Variants in DLG2 observed in about 807,000 individuals in gnomAD.
DLG2 encodes disks large homolog 2.
DLG2 carries 45 observed loss-of-function variants against 132.5 expected under a neutral mutation model. The ratio of observed to expected loss-of-function variants is 0.34; its 90% CI spans 0.27 to 0.44. The LOEUF (loss-of-function observed/expected upper bound fraction) is 0.44. Ranked by LOEUF, DLG2 falls within the 20% of genes least tolerant of loss-of-function variation. The pLI is 1.00. For missense variants in DLG2, 1,045 were observed against 1,196.9 expected, an observed-to-expected ratio of 0.87 and a Z score of 1.87; for synonymous variants, 424 against 419.6, an observed-to-expected ratio of 1.01 and a Z score of -0.13.
chr11:85,393,673 C>T (rs1373194770), intron 3 of DLG2, among the ~76,000 whole-genome samples: 1 of 148,988 alleles, frequency 6.7e-6, no homozygotes, highest in Non-Finnish European at 1.5e-5. Context: ...ATTCAGGTTG[C>T]AGCAAATGTC....
chr11:84,210,464 C>T (rs1478162939), intron 8 of DLG2, among the ~76,000 whole-genome samples: 1 of 149,002 alleles, frequency 6.7e-6, no homozygotes, highest in Non-Finnish European at 1.5e-5. Flanking sequence ...TGCAGCGCAC[C>T]AGCATGGCAC....
intron 3 of DLG2, among the ~76,000 whole-genome samples, chr11:85,551,779 G>T (rs1193282969): frequency 6.6e-6 from 1 of 152,004 alleles, no homozygotes; most frequent in East Asian, 1.9e-4. Context: ...ACAATGAGTA[G>T]CTGATGTTAT....
At chr11:84,982,769 G>A (rs2055936562) in intron 6 of DLG2, among the ~76,000 whole-genome samples, 1 of 151,582 alleles carries the variant, frequency 6.6e-6, no homozygotes, top group Admixed American at 6.6e-5. Flanking sequence ...GTGCCAGACT[G>A]ATTCAATATT....
intron 6 of DLG2, among the ~76,000 whole-genome samples, chr11:84,870,659 A>T (rs900415668): frequency 6.6e-6 from 1 of 152,206 alleles, no homozygotes; most frequent in Non-Finnish European, 1.5e-5. Flanking sequence ...GCCTATTTAC[A>T]TATATTCATC....
chr11:83,501,709 G>T (rs1392357424), intron 21 of DLG2, among the ~76,000 whole-genome samples: 2 of 151,984 alleles, frequency 1.3e-5, no homozygotes, highest in South Asian at 2.1e-4. Context: ...TCCTGTGATT[G>T]TTTCCCCCCA....
At chr11:84,098,852 A>G (rs1488472484) in intron 10 of DLG2, 71 bp downstream of exon 10, 2 of 1,526,154 alleles carry the variant, frequency 1.3e-6, no homozygotes, top group East Asian at 4.7e-5. Flanking sequence ...ATTATTCTTC[A>G]AAGGTACAAA....
At chr11:84,131,931 CCTT>C (rs758596881) in intron 9 of DLG2, among the ~76,000 whole-genome samples, 7 of 151,348 alleles carry the variant, frequency 4.6e-5, no homozygotes, top group Admixed American at 6.6e-5. Context: ...TGAATATGAC[CCTT>C]CTTCTACTTA....
intron 17 of DLG2, among the ~76,000 whole-genome samples, chr11:83,815,569 C>G (rs1238490990): frequency 6.6e-6 from 1 of 152,164 alleles, no homozygotes; most frequent in East Asian, 1.9e-4. Context: ...TACGCTCCAG[C>G]TGGACCACAG....
chr11:84,003,308 A>G (rs1021885239), intron 11 of DLG2, among the ~76,000 whole-genome samples: 15 of 151,548 alleles, frequency 9.9e-5, no homozygotes, highest in African/African-American at 3.4e-4. Flanking sequence ...AACTTTTCCA[A>G]CCTCTGCCTG....
chr11:83,591,617 A>C (rs1283905299), intron 19 of DLG2, among the ~76,000 whole-genome samples: 59 of 93,438 alleles, frequency 6.3e-4, no homozygotes, highest in African/African-American at 2.5e-3. Context: ...CTCCTATTCA[A>C]CATAGTGTTG....
intron 6 of DLG2, among the ~76,000 whole-genome samples, chr11:84,966,527 C>T (rs990613884): frequency 5.3e-5 from 8 of 152,082 alleles, no homozygotes; most frequent in African/African-American, 9.6e-5. Flanking sequence ...GATTGGAAGA[C>T]GAATCTACTG....
intron 6 of DLG2, among the ~76,000 whole-genome samples, chr11:85,007,749 G>C (rs1205692476): frequency 6.6e-6 from 1 of 151,450 alleles, no homozygotes; most frequent in Non-Finnish European, 1.5e-5. Context: ...AAAACTCTCT[G>C]GTTTTCTACT....
At chr11:85,155,911 T>C (rs926877578) in intron 4 of DLG2, among the ~76,000 whole-genome samples, 8 of 151,226 alleles carry the variant, frequency 5.3e-5, no homozygotes, top group Non-Finnish European at 8.8e-5. Flanking sequence ...TGAGGAGAAA[T>C]TTCTAAAGTG....
At chr11:84,988,797 CA>C (rs2056784042) in intron 6 of DLG2, among the ~76,000 whole-genome samples, 1 of 151,952 alleles carries the variant, frequency 6.6e-6, no homozygotes, top group African/African-American at 2.4e-5. Context: ...ATGGGTGCAC[CA>C]AAATCTCACA....
intron 6 of DLG2, among the ~76,000 whole-genome samples, chr11:84,824,046 T>G (rs1043990053): frequency 4.4e-4 from 67 of 151,944 alleles, no homozygotes; most frequent in Middle Eastern, 3.4e-3. Flanking sequence ...CAAACTGGCA[T>G]TGGGGGTTTC....
intron 6 of DLG2, among the ~76,000 whole-genome samples, chr11:84,749,051 G>T (rs548323457): frequency 6.6e-6 from 1 of 152,234 alleles, no homozygotes; most frequent in African/African-American, 2.4e-5. Context: ...ATAAATGGAA[G>T]AGAGATGGTA....
chr11:84,480,756 CTTT>C (rs777828752), intron 7 of DLG2, among the ~76,000 whole-genome samples: 3 of 113,024 alleles, frequency 2.7e-5, no homozygotes. Flanking sequence ...TGGGGGTTTT[CTTT>C]TTTTTTTTTT....
intron 3 of DLG2, among the ~76,000 whole-genome samples, chr11:85,498,002 T>TATGAAGA (rs1466283104): frequency 6.6e-6 from 1 of 152,184 alleles, no homozygotes; most frequent in Non-Finnish European, 1.5e-5. Flanking sequence ...CCATCGATGC[T>TATGAAGA]ATGAAGAAAC....
intron 11 of DLG2, among the ~76,000 whole-genome samples, chr11:84,019,279 A>T (rs2095316678): frequency 1.3e-5 from 2 of 152,250 alleles, no homozygotes; most frequent in South Asian, 4.1e-4. Context: ...TGAGCTCTTA[A>T]CCAGGATATT....
Sources: allele counts gnomAD v4.1 joint callset (sites outside exome capture counted in the v4.1 genomes callset), GRCh38; gene constraint gnomAD v4.1.1; transcripts MANE v1.5; gene names NCBI Gene and HGNC (gene_info 2026-07-23, HGNC 2026-07-21).